The following OR52E8 variants were observed in gnomAD, a reference collection of about 807,000 sequenced individuals.
OR52E8 encodes the protein olfactory receptor 52E8.
For synonymous variants in OR52E8, 167 were observed against 141.1 expected, an observed-to-expected ratio of 1.18 and a Z score of -1.30; for missense variants, 451 against 383.9, an observed-to-expected ratio of 1.17 and a Z score of -1.46.
rs1410495230 is a variant in OR52E8, at chr11:5,857,652, TGAA to T, written c.36_38del (p.Ser13del). 12 of 1,609,424 alleles carry T rather than the reference TGAA, an allele frequency of 7.5e-6. No homozygotes were observed. Among genetic ancestry groups the T allele is most frequent in the Non-Finnish European group, 8.5e-6 (10 of 1,179,722 alleles). ...GCCCTGGGATACCCAGCAGTAGGAA[TGAA>T]GAAGGATGGAACTGGGTGTGATTAG... is the stretch of plus-strand genomic sequence containing the variant. On this transcript the variant is annotated inframe_deletion, in exon 1 of 1. Transcript: ENST00000537935.
rs61059077 is a variant in OR52E8, at chr11:5,856,829, G to A, written c.862C>T (p.Leu288Phe). The A allele has an allele frequency of 1.6e-3, 2,566 of 1,606,940 alleles. 310 individuals are homozygous for A. The African/African-American group carries it at 0.031, about 19-fold the overall frequency. The change falls in exon 1 of 1, where the codon CTC becomes TTC. Residue 288 changes from leucine to phenylalanine, a missense_variant. Leu to Phe is a conservative substitution (Grantham distance 22, BLOSUM62 0). Coordinates refer to ENST00000537935, the MANE Select transcript of OR52E8 (RefSeq NM_001005168.3). ...CTGACTCCATAGATTACAGGATTGA[G>A]GGCTGGTGGGACAACCACATACAGG... The part of the protein sequence containing the change: ...ANLYVVVPPA[L>F]NPVIYGVRTK...
At position 5,857,594 on chromosome 11, in the gene OR52E8, A is replaced by C. The variant is rs1846754903; in HGVS notation, c.97T>G (p.Phe33Val). Residue 33 changes from phenylalanine (F) to valine (V), a missense_variant, in exon 1 of 1, where the codon TTT becomes GTT. Phe to Val is a conservative substitution (Grantham distance 50). Coordinates refer to ENST00000537935, the MANE Select transcript of OR52E8 (RefSeq NM_001005168.3). Reference sequence around the variant, plus strand: ...AGTGCAACAAGATACACAAAGAAAAAAGGGACTCCAATCCAAATGTGCACA... The same window carrying C: ...AGTGCAACAAGATACACAAAGAAAACAGGGACTCCAATCCAAATGTGCACA... The part of the protein sequence containing the change: ...EDVHIWIGVP[F>V]FFVYLVALLG... The C allele has an allele frequency of 6.2e-7, 1 of 1,609,296 alleles. No homozygotes were observed. The highest frequency in any genetic ancestry group is 1.4e-5 in the African/African-American group (1 of 70,782).
At position 5,857,610 on chromosome 11, in the gene OR52E8, A is replaced by G. The variant is rs751661564; in HGVS notation, c.81T>C (p.Ile27=). The G allele has an allele frequency of 2.9e-5, 47 of 1,609,374 alleles. No individual in the cohort carries two copies. Among genetic ancestry groups the G allele is most frequent in the African/African-American group, 9.9e-5 (7 of 70,858 alleles). The change falls in exon 1 of 1, where the codon ATT becomes ATC. Residue 27 remains isoleucine, a synonymous_variant. Coordinates refer to ENST00000537935, the MANE Select transcript of OR52E8 (RefSeq NM_001005168.3). ...CAAAGAAAAAAGGGACTCCAATCCA[A>G]ATGTGCACATCTTCTAGCCCTGGGA... ...LGIPGLEDVH[I]WIGVPFFFVY...
Position 5,857,350 on chromosome 11 carries a change from C to G in OR52E8, c.341G>C (p.Ser114Thr), listed in dbSNP as rs771039766. The change falls in exon 1 of 1, where the codon AGC (serine) becomes ACC (threonine). Residue 114 changes from serine to threonine, a missense_variant. Coordinates refer to ENST00000537935, the MANE Select transcript of OR52E8 (RefSeq NM_001005168.3). ...FFIHFFTAME[S>T]IVLVAMAFDR... ...AAAGGCCATGGCCACCAACACAATGCTCTCCATAGCAGTGAAGAAATGGAT... is the reference window on the plus strand; with the variant it reads ...AAAGGCCATGGCCACCAACACAATGGTCTCCATAGCAGTGAAGAAATGGAT... 6.2e-7 allele frequency: 1 copy of G among 1,610,108 alleles called. No homozygotes were observed. The highest frequency in any genetic ancestry group is 1.1e-5 in the South Asian group (1 of 91,070).
Position 5,856,837 on chromosome 11 carries a change from G to C in OR52E8, c.854C>G (p.Pro285Arg). 1 of 1,607,250 alleles carries C rather than the reference G, an allele frequency of 6.2e-7. No individual in the cohort carries two copies. Among genetic ancestry groups the C allele is most frequent in the South Asian group, 1.1e-5 (1 of 90,874 alleles). ...ATAGATTACAGGATTGAGGGCTGGTGGGACAACCACATACAGGTTGGCTAA... is the reference window on the plus strand; with the variant it reads ...ATAGATTACAGGATTGAGGGCTGGTCGGACAACCACATACAGGTTGGCTAA... ...IILANLYVVV[P>R]PALNPVIYGV... The change falls in exon 1 of 1, where the codon CCA becomes CGA. Residue 285 changes from proline (P) to arginine (R), a missense_variant. Pro to Arg is a moderately radical substitution (Grantham distance 103). Transcript: ENST00000537935.
In OR52E8 at chr11:5,857,287, G is replaced by C. The variant is rs746014866; in HGVS notation, c.404C>G (p.Thr135Ser). 3.3e-5 allele frequency: 53 copies of C among 1,610,320 alleles called. 1 individual carries two copies. The highest frequency in any genetic ancestry group is 4.5e-5 in the Non-Finnish European group (53 of 1,179,914). ...GATGATTTTGCTGGTGAGGATCATGGTGTACCGAAGAGGTTTGCAAATGGC... is the reference window on the plus strand; with the variant it reads ...GATGATTTTGCTGGTGAGGATCATGCTGTACCGAAGAGGTTTGCAAATGGC... ...YIAICKPLRY[T>S]MILTSKIISL... The change falls in exon 1 of 1, where the codon ACC (threonine) becomes AGC (serine). Residue 135 changes from threonine to serine, a missense_variant. Coordinates refer to ENST00000537935, the MANE Select transcript of OR52E8 (RefSeq NM_001005168.3).
Position 5,857,072 on chromosome 11 carries a change from G to C in OR52E8, c.619C>G (p.Leu207Val), listed in dbSNP as rs1846746301. 3.1e-6 allele frequency: 5 copies of C among 1,608,882 alleles called. No individual in the cohort carries two copies. Among genetic ancestry groups the C allele is most frequent in the Non-Finnish European group, 4.2e-6 (5 of 1,179,804 alleles). Residue 207 changes from leucine to valine, a missense_variant, in exon 1 of 1, where the codon CTC becomes GTC. Leu to Val is a conservative substitution (Grantham distance 32, BLOSUM62 1). Coordinates refer to ENST00000537935, the MANE Select transcript of OR52E8 (RefSeq NM_001005168.3). ...NIRFGLGNIS[L>V]LLLDVILIIL... is the part of the protein sequence containing the mutation. ...ATAAGGATAACATCCAGTAACAAGA[G>C]AGATATGTTGCCAAGGCCAAACCTA... is the stretch of plus-strand genomic sequence containing the variant.
Position 5,857,477 on chromosome 11 carries a change from C to G in OR52E8, c.214G>C (p.Asp72His), listed in dbSNP as rs1357818766. The G allele has an allele frequency of 6.2e-7, 1 of 1,609,726 alleles. No homozygotes were observed. The highest frequency in any genetic ancestry group is 8.5e-7 in the Non-Finnish European group (1 of 1,179,792). ...YYFLAMLDSI[D>H]LGLSTATIPK... ...ATGGTGGCTGTAGACAAGCCCAGGT[C>G]AATGGAATCCAACATGGCCAGGAAG... is the stretch of plus-strand genomic sequence containing the variant. The change falls in exon 1 of 1, where the codon GAC becomes CAC. Residue 72 changes from aspartate to histidine, a missense_variant. Transcript: ENST00000537935.
Position 5,857,041 on chromosome 11 carries a change from A to G in OR52E8, c.650T>C (p.Leu217Pro), listed in dbSNP as rs772568799. The G allele has an allele frequency of 1.1e-5, 18 of 1,607,888 alleles. No homozygotes were observed. The highest frequency in any genetic ancestry group is 1.5e-5 in the Non-Finnish European group (18 of 1,179,714). The change falls in exon 1 of 1, where the codon CTC (leucine) becomes CCC (proline). Residue 217 changes from leucine (L) to proline (P), a missense_variant. Transcript: ENST00000537935. ...LLLLDVILII[L>P]SYVRILYAVF... ...AGCATACAGGATCCTGACATAGGAG[A>G]GAATAATAAGGATAACATCCAGTAA... is the stretch of plus-strand genomic sequence containing the variant.
In OR52E8 at chr11:5,857,441, A is replaced by G. The variant is rs1251280689; in HGVS notation, c.250T>C (p.Leu84=). ...TTGGTATTGAACCAGAAGATGCCCA[A>G]CATTTTGGGGATGGTGGCTGTAGAC... ...GLSTATIPKM[L]GIFWFNTKEI... is the part of the protein sequence containing the mutation. The change falls in exon 1 of 1, where the codon TTG becomes CTG. Residue 84 remains leucine (L), a synonymous_variant. Coordinates refer to ENST00000537935, the MANE Select transcript of OR52E8 (RefSeq NM_001005168.3). The G allele has an allele frequency of 3.7e-6, 6 of 1,610,086 alleles. No individual in the cohort carries two copies. Among genetic ancestry groups the G allele is most frequent in the African/African-American group, 1.4e-5 (1 of 71,368 alleles).
Position 5,857,315 on chromosome 11 carries a change from T to C in OR52E8, c.376A>G (p.Ile126Val), listed in dbSNP as rs1384539848. ...TACCGAAGAGGTTTGCAAATGGCAA[T>C]GTAGCGGTCAAAGGCCATGGCCACC... ...VLVAMAFDRY[I>V]AICKPLRYTM... The change falls in exon 1 of 1, where the codon ATT becomes GTT. Residue 126 changes from isoleucine (I) to valine (V), a missense_variant. Coordinates refer to ENST00000537935, the MANE Select transcript of OR52E8 (RefSeq NM_001005168.3). 6.2e-7 allele frequency: 1 copy of C among 1,610,174 alleles called. No individual in the cohort carries two copies. Among genetic ancestry groups the C allele is most frequent in the Non-Finnish European group, 8.5e-7 (1 of 1,179,858 alleles).
Position 5,856,879 on chromosome 11 carries a change from T to C in OR52E8, c.812A>G (p.Gln271Arg). The change falls in exon 1 of 1, where the codon CAG becomes CGG. Residue 271 changes from glutamine to arginine, a missense_variant. Physicochemically the swap from Gln to Arg is conservative, Grantham distance 43 (BLOSUM62 1). Coordinates refer to ENST00000537935, the MANE Select transcript of OR52E8 (RefSeq NM_001005168.3). ...LTHRFGHNIP[Q>R]YIHIILANLY... ...GTTGGCTAATATAATATGTATATAC[T>C]GTGGGATATTATGGCCAAAACGATG... The C allele has an allele frequency of 1.2e-6, 2 of 1,607,118 alleles. No individual in the cohort carries two copies. Among genetic ancestry groups the C allele is most frequent in the South Asian group, 2.2e-5 (2 of 90,910 alleles).
rs948449817 is a variant in OR52E8, at chr11:5,857,039, A to T, written c.652T>A (p.Ser218Thr). 6.2e-7 allele frequency: 1 copy of T among 1,608,132 alleles called. No individual in the cohort carries two copies. The highest frequency in any genetic ancestry group is 1.7e-5 in the Admixed American group (1 of 59,674). The change falls in exon 1 of 1, where the codon TCC becomes ACC. Residue 218 changes from serine (S) to threonine (T), a missense_variant. Physicochemically the swap from Ser to Thr is moderately conservative, Grantham distance 58. Transcript: ENST00000537935. The stretch of plus-strand genomic sequence containing the variant: ...ACAGCATACAGGATCCTGACATAGG[A>T]GAGAATAATAAGGATAACATCCAGT... ...LLLDVILIIL[S>T]YVRILYAVFC...
chr11:5,857,487 C>T lies in OR52E8; in HGVS notation c.204G>A (p.Leu68=), dbSNP rs747160460. Residue 68 remains leucine (L), a synonymous_variant, in exon 1 of 1, where the codon TTG becomes TTA. Coordinates refer to ENST00000537935, the MANE Select transcript of OR52E8 (RefSeq NM_001005168.3). ...TAGACAAGCCCAGGTCAATGGAATC[C>T]AACATGGCCAGGAAGTAGTACATAG... ...HEPMYYFLAM[L]DSIDLGLSTA... The T allele has an allele frequency of 1.2e-6, 2 of 1,609,660 alleles. No individual in the cohort carries two copies. The highest frequency in any genetic ancestry group is 3.3e-5 in the Admixed American group (2 of 59,882).
chr11:5,856,930 GT>G lies in OR52E8; in HGVS notation c.760del (p.Thr254HisfsTer8). ...TGTCAAGAATGAAAAAAATGCTGGT[GT>G]AAAAAAGGCTAAGATAACACCAATA... ...SHIGVILAFF[T>X]PAFFSFLTHR... is the part of the protein sequence containing the mutation. On this transcript the variant is annotated frameshift_variant, in exon 1 of 1. Coordinates refer to ENST00000537935, the MANE Select transcript of OR52E8 (RefSeq NM_001005168.3). LOFTEE classifies it low-confidence loss of function (END_TRUNC). 1 of 1,605,628 alleles carries G rather than the reference GT, an allele frequency of 6.2e-7. No homozygotes were observed. The highest frequency in any genetic ancestry group is 8.5e-7 in the Non-Finnish European group (1 of 1,178,926).
In OR52E8 at chr11:5,857,607, C is replaced by G. The variant is rs1431936703; in HGVS notation, c.84G>C (p.Trp28Cys). Residue 28 changes from tryptophan (W) to cysteine (C), a missense_variant, in exon 1 of 1, where the codon TGG (tryptophan) becomes TGC (cysteine). Coordinates refer to ENST00000537935, the MANE Select transcript of OR52E8 (RefSeq NM_001005168.3). ...GIPGLEDVHI[W>C]IGVPFFFVYL... is the part of the protein sequence containing the mutation. Reference sequence around the variant, plus strand: ...ACACAAAGAAAAAAGGGACTCCAATCCAAATGTGCACATCTTCTAGCCCTG... The same window carrying G: ...ACACAAAGAAAAAAGGGACTCCAATGCAAATGTGCACATCTTCTAGCCCTG... 1 of 1,609,434 alleles carries G rather than the reference C, an allele frequency of 6.2e-7. No homozygotes were observed.
rs1395981531 is a variant in OR52E8, at chr11:5,857,436, G to A, written c.255C>T (p.Gly85=). ...TTTCTTTGGTATTGAACCAGAAGAT[G>A]CCCAACATTTTGGGGATGGTGGCTG... ...LSTATIPKML[G]IFWFNTKEIS... The change falls in exon 1 of 1, where the codon GGC becomes GGT. Residue 85 remains glycine (G), a synonymous_variant. Transcript: ENST00000537935. The A allele has an allele frequency of 6.2e-7, 1 of 1,610,232 alleles. No homozygotes were observed. The highest frequency in any genetic ancestry group is 8.5e-7 in the Non-Finnish European group (1 of 1,179,860).
Position 5,857,156 on chromosome 11 carries a change from T to A in OR52E8, c.535A>T (p.Thr179Ser). ...PFCGHRIIPH[T>S]YCEHMGIARL... ...GCAATGCCCATGTGCTCACAATAAG[T>A]ATGAGGGATGATACGATGCCCACAG... The change falls in exon 1 of 1, where the codon ACT becomes TCT. Residue 179 changes from threonine (T) to serine (S), a missense_variant. By Grantham distance (58) the Thr-to-Ser change is moderately conservative. Transcript: ENST00000537935. 2 of 1,609,560 alleles carry A rather than the reference T, an allele frequency of 1.2e-6. No homozygotes were observed. Among genetic ancestry groups the A allele is most frequent in the South Asian group, 2.2e-5 (2 of 91,056 alleles).
At position 5,856,813 on chromosome 11, in the gene OR52E8, T is replaced by G; in HGVS notation, c.878A>C (p.Tyr293Ser). The change falls in exon 1 of 1, where the codon TAT (tyrosine) becomes TCT (serine). Residue 293 changes from tyrosine to serine, a missense_variant. Physicochemically the swap from Tyr to Ser is moderately radical, Grantham distance 144. Coordinates refer to ENST00000537935, the MANE Select transcript of OR52E8 (RefSeq NM_001005168.3). ...TCGAATCTGCTTTGTCCTGACTCCA[T>G]AGATTACAGGATTGAGGGCTGGTGG... ...VVPPALNPVIYGVRTKQIRER... is the reference protein window; with the variant it reads ...VVPPALNPVISGVRTKQIRER... 2 of 1,604,432 alleles carry G rather than the reference T, an allele frequency of 1.2e-6. No homozygotes were observed. The highest frequency in any genetic ancestry group is 2.2e-5 in the East Asian group (1 of 44,800).
Sources: allele counts gnomAD v4.1 joint callset, GRCh38; gene constraint gnomAD v4.1.1; transcripts MANE v1.5; gene names NCBI Gene and HGNC (gene_info 2026-07-23, HGNC 2026-07-21).